SND1: variants seen among roughly 807,000 people sequenced by gnomAD.
SND1 encodes staphylococcal nuclease and tudor domain containing 1.
Under a neutral mutation model 121.7 loss-of-function variants are expected in SND1, and 38 were observed. That is an observed-to-expected ratio of 0.31 (90% confidence interval 0.24 to 0.41). The LOEUF is 0.41. Among genes scored for constraint, SND1 ranks in the 10% least tolerant of loss-of-function variants. The pLI is 1.00. For synonymous variants in SND1, 401 were observed against 447.4 expected (o/e 0.90, Z 1.31); for missense variants, 868 against 1,184.6 (o/e 0.73, Z 3.92).
At chr7:127,863,969 T>G (rs570434199) in intron 12 of SND1, among the ~76,000 whole-genome samples, 26 of 152,256 alleles carry the variant, frequency 1.7e-4, no homozygotes, top group African/African-American at 6.3e-4. Flanking sequence ...TGATAAAATT[T>G]CAAAGTGAGA....
chr7:127,845,504 T>C (rs1799042138), intron 12 of SND1, among the ~76,000 whole-genome samples: 1 of 152,246 alleles, frequency 6.6e-6, no homozygotes, highest in Admixed American at 6.5e-5. Context: ...TCAAGTAATA[T>C]TTTTGAACTG....
intron 15 of SND1, among the ~76,000 whole-genome samples, chr7:127,981,903 T>C (rs1308786450): frequency 6.6e-6 from 1 of 152,238 alleles, no homozygotes; most frequent in African/African-American, 2.4e-5. Flanking sequence ...TTAACTCATA[T>C]GCATCCAGAA....
intron 13 of SND1, among the ~76,000 whole-genome samples, chr7:127,899,785 A>T (rs1046170032): frequency 6.6e-6 from 1 of 152,174 alleles, no homozygotes; most frequent in Non-Finnish European, 1.5e-5. Context: ...CCCTGATGTT[A>T]TCTTGAAATA....
At chr7:128,002,799 G>A (rs889849259) in intron 16 of SND1, among the ~76,000 whole-genome samples, 1 of 152,182 alleles carries the variant, frequency 6.6e-6, no homozygotes, top group African/African-American at 2.4e-5. Context: ...GTGCTCCTTT[G>A]TGTCTCCATA....
At chr7:127,911,978 CTT>C (rs1296426177) in intron 14 of SND1, among the ~76,000 whole-genome samples, 1 of 151,772 alleles carries the variant, frequency 6.6e-6, no homozygotes, top group Non-Finnish European at 1.5e-5. Context: ...TTCTCTCTCT[CTT>C]TCTTTTATTT....
chr7:127,691,501 G>A (rs1795914067), intron 2 of SND1, among the ~76,000 whole-genome samples: 1 of 150,980 alleles, frequency 6.6e-6, no homozygotes, highest in Non-Finnish European at 1.5e-5. Flanking sequence ...CCAAGATTAT[G>A]CCACTGCATT....
At chr7:127,986,829 G>GA (rs756172312) in intron 15 of SND1, among the ~76,000 whole-genome samples, 64 of 152,340 alleles carry the variant, frequency 4.2e-4, no homozygotes, top group Non-Finnish European at 8.1e-4. Context: ...CCCCATGGGG[G>GA]ATCTGTCTTT....
intron 17 of SND1, among the ~76,000 whole-genome samples, chr7:128,078,862 G>A (rs1237577492): frequency 3.3e-5 from 5 of 152,234 alleles, no homozygotes; most frequent in East Asian, 3.8e-4. Context: ...ACAGAATGCC[G>A]GTCTCTGTTA....
At chr7:127,956,509 G>A (rs1193825562) in intron 15 of SND1, among the ~76,000 whole-genome samples, 1 of 152,204 alleles carries the variant, frequency 6.6e-6, no homozygotes, top group African/African-American at 2.4e-5. Flanking sequence ...TGAGGTTACA[G>A]AACATCTCTG....
rs1450013878 is a variant in SND1 at position 127,756,579 on chromosome 7, T to A, written c.1152+35179T>A. ...GTCCTTAACTCTGCTTCTTCTTGTA[T>A]CTTCCTCCATATCTAGAATTCCTTT... On this transcript the variant is annotated intron_variant, in intron 10 of 23. Coordinates refer to ENST00000354725, the MANE Select transcript of SND1 (RefSeq NM_014390.4). Among the ~76,000 whole-genome samples the A allele has an allele frequency of 3.3e-5, 5 of 152,376 alleles. No homozygotes were observed. In the East Asian group the frequency reaches 9.6e-4, roughly 29 times the overall value.
intron 16 of SND1, among the ~76,000 whole-genome samples, chr7:128,073,565 C>G (rs776261472): frequency 2.6e-5 from 4 of 152,158 alleles, no homozygotes; most frequent in Admixed American, 1.3e-4. Context: ...GCTCCGACCT[C>G]GAGAATTCCC....
chr7:128,069,213 T>C (rs574458320), intron 16 of SND1, among the ~76,000 whole-genome samples: 1 of 152,198 alleles, frequency 6.6e-6, no homozygotes, highest in Non-Finnish European at 1.5e-5. Context: ...TCAGGGAGAA[T>C]AAAGGAGCTC....
chr7:127,718,604 GAGCAGCAGAGAGAGTCTGCTGC>G, intron 9 of SND1: 1 of 985,360 alleles, frequency 1.0e-6, no homozygotes, highest in African/African-American at 1.7e-5. Flanking sequence ...GGGAGATGCT[GAGCAGCAGAGAGAGTCTGCTGC>G]TGGGGCCTAA....
chr7:127,743,602 C>T (rs1277291760), intron 10 of SND1, among the ~76,000 whole-genome samples: 1 of 152,120 alleles, frequency 6.6e-6, no homozygotes, highest in East Asian at 1.9e-4. Context: ...AGCATTGAAG[C>T]TGTGTTTTAA....
intron 1 of SND1, among the ~76,000 whole-genome samples, chr7:127,682,447 C>T (rs1795744085): frequency 6.6e-6 from 1 of 152,164 alleles, no homozygotes; most frequent in Non-Finnish European, 1.5e-5. Context: ...ATTGTGACAC[C>T]TGGTTTCACA....
intron 16 of SND1, among the ~76,000 whole-genome samples, chr7:128,063,365 C>T (rs1016880080): frequency 6.6e-6 from 1 of 152,342 alleles, no homozygotes; most frequent in East Asian, 1.9e-4. Flanking sequence ...GGCTGTGCTG[C>T]CTCTGAGTCA....
intron 11 of SND1, among the ~76,000 whole-genome samples, chr7:127,823,973 A>G (rs974448155): frequency 6.6e-6 from 1 of 152,222 alleles, no homozygotes; most frequent in African/African-American, 2.4e-5. Flanking sequence ...TACTCATATC[A>G]TAGTCAACAC....
At chr7:127,890,338 C>G (rs1479653181) in intron 13 of SND1, among the ~76,000 whole-genome samples, 1 of 152,138 alleles carries the variant, frequency 6.6e-6, no homozygotes, top group African/African-American at 2.4e-5. Context: ...TGAGAAATGT[C>G]TATTCAAATA....
chr7:127,715,533 C>T (rs1177732595), intron 9 of SND1, among the ~76,000 whole-genome samples: 1 of 152,066 alleles, frequency 6.6e-6, no homozygotes, highest in East Asian at 1.9e-4. Flanking sequence ...TCCATGTGTA[C>T]CCAGTGCTTA....
Sources: allele counts gnomAD v4.1 joint callset (sites outside exome capture counted in the v4.1 genomes callset), GRCh38; gene constraint gnomAD v4.1.1; transcripts MANE v1.5; gene names NCBI Gene and HGNC (gene_info 2026-07-23, HGNC 2026-07-21).